The following SCN3B variants were observed in gnomAD, a reference collection of about 807,000 sequenced individuals.
SCN3B encodes sodium voltage-gated channel beta subunit 3, also known as sodium channel regulatory subunit beta-3.
Under a neutral mutation model 25.4 loss-of-function variants are expected in SCN3B, and 11 were observed. That is an observed-to-expected ratio of 0.43 (90% CI 0.27 to 0.72). The LOEUF (loss-of-function observed/expected upper bound fraction) is 0.72, where lower values mean the gene tolerates loss of function less well. SCN3B is among the 30% of genes least tolerant of loss of function. The pLI, the probability that SCN3B is intolerant of heterozygous loss-of-function variation, is 0.18. For synonymous variants in SCN3B, 109 were observed against 110.7 expected, an observed-to-expected ratio of 0.99 and a Z score of 0.09; for missense variants, 218 against 278.3, an observed-to-expected ratio of 0.78 and a Z score of 1.54.
In SCN3B at chr11:123,645,611, C is replaced by T. The variant is rs1591348097; in HGVS notation, c.195G>A (p.Arg65=). 1 of 1,614,186 alleles carries T rather than the reference C, an allele frequency of 6.2e-7. No homozygotes were observed. Among genetic ancestry groups the T allele is most frequent in the Non-Finnish European group, 8.5e-7 (1 of 1,180,032 alleles). ...CAAGGAAATCTTTACCGCCCTCGGG[C>T]CTGTAGAACCATTCCACCACCGTGG... ...EATTVVEWFY[R]PEGGKDFLIY... is the part of the protein sequence containing the mutation. The change falls in exon 3 of 7, where the codon AGG becomes AGA. Residue 65 remains arginine, a synonymous_variant. Transcript: ENST00000299333.
intron 2 of SCN3B, among the ~76,000 whole-genome samples, chr11:123,650,669 T>A (rs551185916): frequency 6.6e-6 from 1 of 152,092 alleles, no homozygotes; most frequent in Non-Finnish European, 1.5e-5. Flanking sequence ...GGAGGACAGG[T>A]GCCCTCCTGG....
chr11:123,649,461 A>T (rs986220524), intron 2 of SCN3B, among the ~76,000 whole-genome samples: 2 of 152,168 alleles, frequency 1.3e-5, no homozygotes, highest in African/African-American at 4.8e-5. Context: ...CCTGAAGAGT[A>T]CATTGAAAAA....
At chr11:123,648,592 G>C (rs555177609) in intron 2 of SCN3B, among the ~76,000 whole-genome samples, 2 of 151,126 alleles carry the variant, frequency 1.3e-5, no homozygotes, top group African/African-American at 4.9e-5. Context: ...AAAAAGTGCT[G>C]TGAGAAAAAA....
At chr11:123,645,445 C>T in intron 3 of SCN3B, 142 bp downstream of exon 3, 1 of 921,776 alleles carries the variant, frequency 1.1e-6, no homozygotes, top group Non-Finnish European at 1.8e-6. Flanking sequence ...CTAAGGCTGT[C>T]AGTTATCTGC....
Position 123,635,651 on chromosome 11 carries a change from A to C in SCN3B, c.585-1445T>G, listed in dbSNP as rs1391984177. Among the ~76,000 whole-genome samples the C allele has an allele frequency of 2.6e-5, 4 of 151,572 alleles. No homozygotes were observed. In the South Asian group the frequency reaches 6.3e-4, roughly 24 times the overall value. On this transcript the variant is annotated intron_variant, in intron 5 of 6. Transcript: ENST00000299333. ...GAGTGAGCCGAGATCGCGCCACTGC[A>C]CTCCAGCCTGGGCAACAGAGCGAGA...
chr11:123,645,887 C>G, intron 2 of SCN3B, 137 bp from the exon 3 acceptor site: 3 of 859,492 alleles, frequency 3.5e-6, no homozygotes, highest in Non-Finnish European at 5.6e-6. Context: ...AAAAAAGCCA[C>G]GTGCACATGT....
At position 123,642,576 on chromosome 11, in the gene SCN3B, G is replaced by A. The variant is rs767283681; in HGVS notation, c.315C>T (p.Ile105=). The change falls in exon 4 of 7, where the codon ATC becomes ATT. Residue 105 remains isoleucine, a synonymous_variant. Transcript: ENST00000299333. This position sits in a 1 kb window ranked among gnomAD's most constrained non-coding sequence, Gnocchi z 4.3. The part of the protein sequence containing the change: ...NGSKDLQDVS[I]TVLNVTLNDS... ...CGTTCAGAGTGACGTTGAGCACAGT[G>A]ATGGACACGTCCTGCAGGTCCTTGC... The A allele has an allele frequency of 6.2e-7, 1 of 1,614,100 alleles. No homozygotes were observed. Among genetic ancestry groups the A allele is most frequent in the African/African-American group, 1.3e-5 (1 of 74,940 alleles).
rs1391551780 is a variant in SCN3B at position 123,629,804 on chromosome 11, G to C, written c.*3995C>G. ...ATTTTTCATTTACAAAATGAGGTGA[G>C]AGGAAGGCTTCTTTTGTTTTTGTTT... On this transcript the variant is annotated 3_prime_UTR_variant, in exon 7 of 7. Coordinates refer to ENST00000299333, the MANE Select transcript of SCN3B (RefSeq NM_001040151.2). 2 of 152,186 alleles carry C rather than the reference G, an allele frequency of 1.3e-5. No individual in the cohort carries two copies. Among genetic ancestry groups the C allele is most frequent in the South Asian group, 2.1e-4 (1 of 4,828 alleles). 9.4% of individuals were successfully genotyped at this position (152,186 alleles called of 1,614,324 possible). A position where few individuals can be genotyped will look rare whatever the true frequency, so the allele number is the denominator to read the frequency against.
chr11:123,652,476 G>A lies in SCN3B; in HGVS notation c.55+1271C>T, dbSNP rs1329210022. Among the ~76,000 whole-genome samples, 5 of 152,180 alleles carry A rather than the reference G, an allele frequency of 3.3e-5. 1 individual carries two copies. Reference sequence around the variant, plus strand: ...CAGATAATGCTGGCAGCTAGAGTTAGTCCTGGAGGCTTGAAAAAGTAATAC... The same window carrying A: ...CAGATAATGCTGGCAGCTAGAGTTAATCCTGGAGGCTTGAAAAAGTAATAC... On this transcript the variant is annotated intron_variant, in intron 2 of 6. Coordinates refer to ENST00000299333, the MANE Select transcript of SCN3B (RefSeq NM_001040151.2).
At chr11:123,649,860 C>T (rs1199697481) in intron 2 of SCN3B, among the ~76,000 whole-genome samples, 6 of 152,006 alleles carry the variant, frequency 3.9e-5, no homozygotes, top group East Asian at 1.9e-4. Flanking sequence ...CCTGCCATCA[C>T]GCCCAGCTAA....
Position 123,634,242 on chromosome 11 carries a change from A to G in SCN3B, c.585-36T>C, listed in dbSNP as rs768413594. ...CACAGGGAAAGGGAATCAGAGCTTC[A>G]GTGCCCAGCGTGGGAACACAAGATG... On this transcript the variant is annotated intron_variant, in intron 5 of 6. Coordinates refer to ENST00000299333, the MANE Select transcript of SCN3B (RefSeq NM_001040151.2). 10 of 1,580,352 alleles carry G rather than the reference A, an allele frequency of 6.3e-6. No homozygotes were observed. The South Asian group carries it at 8.9e-5, about 14-fold the overall frequency.
intron 2 of SCN3B, among the ~76,000 whole-genome samples, chr11:123,646,711 A>T (rs1223673986): frequency 6.6e-6 from 1 of 152,238 alleles, no homozygotes; most frequent in Non-Finnish European, 1.5e-5. Flanking sequence ...TATCAGCTTG[A>T]TAATTCAGAA....
intron 5 of SCN3B, among the ~76,000 whole-genome samples, chr11:123,636,900 A>C (rs938415563): frequency 3.3e-5 from 5 of 152,024 alleles, no homozygotes; most frequent in African/African-American, 1.2e-4. Flanking sequence ...TCACCATGTT[A>C]ACCAGGATGT....
intron 3 of SCN3B, among the ~76,000 whole-genome samples, chr11:123,643,198 T>A (rs1955811490): frequency 6.6e-6 from 1 of 152,158 alleles, no homozygotes. Context: ...CTGGTACTCA[T>A]CAGGGGCTGT....
At position 123,642,624 on chromosome 11, in the gene SCN3B, C is replaced by T. The variant is rs1396408552; in HGVS notation, c.267G>A (p.Gln89=). The stretch of plus-strand genomic sequence containing the variant: ...TGCTGCCATTCCACTGCAGGCGCCC[C>T]TGAAAGGGGCTCTCCACCTCCTGGT... ...NGHQEVESPF[Q]GRLQWNGSKD... is the part of the protein sequence containing the mutation. The change falls in exon 4 of 7, where the codon CAG becomes CAA. Residue 89 remains glutamine, a synonymous_variant. Transcript: ENST00000299333. This position sits in a 1 kb window ranked among gnomAD's most constrained non-coding sequence, Gnocchi z 4.3. 6.2e-7 allele frequency: 1 copy of T among 1,614,186 alleles called. No homozygotes were observed. Among genetic ancestry groups the T allele is most frequent in the Admixed American group, 1.7e-5 (1 of 60,024 alleles).
chr11:123,647,414 G>A (rs930848093), intron 2 of SCN3B, among the ~76,000 whole-genome samples: 3 of 152,110 alleles, frequency 2.0e-5, no homozygotes, highest in African/African-American at 7.2e-5. Context: ...GGAGTTTGAG[G>A]CTGCAATGAG....
At chr11:123,644,771 G>GAA (rs1955828012) in intron 3 of SCN3B, among the ~76,000 whole-genome samples, 1 of 94,714 alleles carries the variant, frequency 1.1e-5, no homozygotes, top group Non-Finnish European at 2.2e-5. Flanking sequence ...CCCGTTGAGA[G>GAA]AGAGAGAGAG....
intron 1 of SCN3B, 56 bp downstream of exon 1, chr11:123,654,170 G>C (rs1387238037): frequency 5.1e-6 from 2 of 391,000 alleles, no homozygotes; most frequent in South Asian, 2.4e-5. Flanking sequence ...CAGCTCGGAA[G>C]GGAGTCGCAC....
At chr11:123,644,851 A>ACG (rs1955836544) in intron 3 of SCN3B, among the ~76,000 whole-genome samples, 3 of 147,638 alleles carry the variant, frequency 2.0e-5, no homozygotes, top group Non-Finnish European at 4.5e-5. Context: ...ACACACACAC[A>ACG]TATATACACA....
Sources: gnomAD v4.1 joint callset for allele counts (sites outside exome capture counted in the v4.1 genomes callset) on GRCh38, gnomAD v4.1.1 for gene constraint, Gnocchi (gnomAD v3.1) non-coding constraint, MANE v1.5 for transcripts, NCBI Gene and HGNC (gene_info 2026-07-23, HGNC 2026-07-21) for gene names.